The following SETDB2 variants were observed in gnomAD, a reference collection of about 807,000 sequenced individuals.
SETDB2 encodes the protein SET domain bifurcated histone lysine methyltransferase 2.
SETDB2 carries 56 observed loss-of-function variants against 82.5 expected under a neutral mutation model. The observed-to-expected ratio is 0.68, with a 90% confidence interval of 0.55 to 0.85. SETDB2 has a LOEUF of 0.85. SETDB2 is among the 40% of genes least tolerant of loss of function. The pLI, the probability that SETDB2 is intolerant of heterozygous loss-of-function variation, is 0.00. For synonymous variants in SETDB2, 272 were observed against 284.9 expected, an observed-to-expected ratio of 0.95 and a Z score of 0.46; for missense variants, 677 against 816.4, an observed-to-expected ratio of 0.83 and a Z score of 2.08.
intron 1 of SETDB2, among the ~76,000 whole-genome samples, chr13:49,447,890 A>C (rs1957721587): frequency 6.6e-6 from 1 of 152,092 alleles, no homozygotes; most frequent in Non-Finnish European, 1.5e-5. Context: ...CCTGCTTCAG[A>C]ACAGTTTGTA....
chr13:49,487,836 G>A (rs1382152714), intron 11 of SETDB2, among the ~76,000 whole-genome samples: 2 of 152,188 alleles, frequency 1.3e-5, no homozygotes, highest in Admixed American at 1.3e-4. Flanking sequence ...ACTTGTGGAA[G>A]GTGTCTCTGT....
In SETDB2 at chr13:49,476,621, A is replaced by C; in HGVS notation, c.451A>C (p.Asn151His). The C allele has an allele frequency of 6.2e-7, 1 of 1,614,122 alleles. No homozygotes were observed. The highest frequency in any genetic ancestry group is 1.6e-4 in the Middle Eastern group (1 of 6,062). Residue 151 changes from asparagine (N) to histidine (H), a missense_variant, in exon 6 of 14, where the codon AAC becomes CAC. Asn to His is a moderately conservative substitution (Grantham distance 68). Coordinates refer to ENST00000611815, the MANE Select transcript of SETDB2 (RefSeq NM_001160308.3). Reference sequence around the variant, plus strand: ...AATGCCACTGAACTTGAAGGGAGAAAACCCTCTGCAGCTGCCAATCAAATG... The same window carrying C: ...AATGCCACTGAACTTGAAGGGAGAACACCCTCTGCAGCTGCCAATCAAATG... The part of the protein sequence containing the change: ...MKMPLNLKGE[N>H]PLQLPIKCHF...
chr13:49,470,483 T>C (rs1008247872), intron 5 of SETDB2, among the ~76,000 whole-genome samples: 1 of 152,196 alleles, frequency 6.6e-6, no homozygotes, highest in African/African-American at 2.4e-5. Context: ...AGCAGCCCAG[T>C]GGTCACATAG....
intron 10 of SETDB2, 36 bp from the exon 11 acceptor site, chr13:49,485,594 C>T (rs1270374622): frequency 5.2e-6 from 8 of 1,549,148 alleles, no homozygotes; most frequent in African/African-American, 2.7e-5. Flanking sequence ...TTTTGCCTGA[C>T]CTGGAAAGTA....
At chr13:49,482,236 A>T (rs1357712805) in intron 8 of SETDB2, 1 of 985,332 alleles carries the variant, frequency 1.0e-6, no homozygotes, top group Non-Finnish European at 1.2e-6. Flanking sequence ...TGGCAACTAT[A>T]ATATTGAATC....
intron 2 of SETDB2, among the ~76,000 whole-genome samples, chr13:49,458,497 G>A (rs770588470): frequency 3.3e-5 from 5 of 152,016 alleles, no homozygotes; most frequent in Non-Finnish European, 5.9e-5. Flanking sequence ...TTCTTTCCTT[G>A]GCTTCTGAGA....
intron 1 of SETDB2, 115 bp downstream of exon 1, chr13:49,444,972 T>G (rs1313702731): frequency 6.6e-6 from 1 of 152,094 alleles, no homozygotes; most frequent in African/African-American, 2.4e-5. Context: ...CAATAAGTAA[T>G]TAAGTAAGGA....
intron 5 of SETDB2, among the ~76,000 whole-genome samples, chr13:49,476,058 C>T (rs1169428966): frequency 6.6e-6 from 1 of 152,086 alleles, no homozygotes; most frequent in Non-Finnish European, 1.5e-5. Context: ...TCTAAATGAA[C>T]TCTAAATTTG....
chr13:49,460,071 A>T (rs768557347), intron 2 of SETDB2, 36 bp from the exon 3 acceptor site: 14 of 1,583,918 alleles, frequency 8.8e-6, no homozygotes, highest in Non-Finnish European at 1.2e-5. Flanking sequence ...GTATTTTTCT[A>T]TTAGCTCTTA....
At chr13:49,478,430 T>G (rs1267812470) in intron 6 of SETDB2, among the ~76,000 whole-genome samples, 1 of 152,050 alleles carries the variant, frequency 6.6e-6, no homozygotes, top group South Asian at 2.1e-4. Context: ...AGCCAAAGCG[T>G]TGGAGAAAGC....
intron 5 of SETDB2, among the ~76,000 whole-genome samples, chr13:49,470,802 G>A (rs754830804): frequency 6.6e-6 from 1 of 152,096 alleles, no homozygotes; most frequent in Non-Finnish European, 1.5e-5. Flanking sequence ...CCATGATCGC[G>A]CCTCCGCACT....
intron 1 of SETDB2, among the ~76,000 whole-genome samples, chr13:49,447,902 A>G (rs1191539262): frequency 1.3e-5 from 2 of 151,640 alleles, no homozygotes; most frequent in Non-Finnish European, 1.5e-5. Context: ...CAGTTTGTAT[A>G]TGATAAAAAT....
At chr13:49,453,545 G>A (rs766813986) in intron 2 of SETDB2, among the ~76,000 whole-genome samples, 2 of 152,000 alleles carry the variant, frequency 1.3e-5, no homozygotes, top group East Asian at 1.9e-4. Context: ...TGATCCACCC[G>A]CCTTAGCCTC....
rs1389840425 is a variant in SETDB2 at position 49,476,767 on chromosome 13, G to C, written c.597G>C (p.Glu199Asp). Reference protein sequence around the residue: ...NVEEVFRYLLETECNFLFTDN... With the variant: ...NVEEVFRYLLDTECNFLFTDN... ...AGGAAGTTTTTCGTTACCTGCTTGA[G>C]ACAGAGTGTAACTTTTTATTTACAG... Residue 199 changes from glutamate to aspartate, a missense_variant, in exon 6 of 14, where the codon GAG becomes GAC. Physicochemically the swap from Glu to Asp is conservative, Grantham distance 45 (BLOSUM62 2). Transcript: ENST00000611815. The C allele has an allele frequency of 6.2e-7, 1 of 1,614,086 alleles. No individual in the cohort carries two copies. The highest frequency in any genetic ancestry group is 8.5e-7 in the Non-Finnish European group (1 of 1,179,960).
At position 49,485,709 on chromosome 13, in the gene SETDB2, C is replaced by G; in HGVS notation, c.1562C>G (p.Thr521Ser). 1 of 1,613,834 alleles carries G rather than the reference C, an allele frequency of 6.2e-7. No individual in the cohort carries two copies. ...CCCCGAGAGCATCTGAACTCTAAAA[C>G]CAAGGGAGCACAAAGTAGGCTTTGT... ...KPPREHLNSK[T>S]KGAQKDSSSN... The change falls in exon 11 of 14, where the codon ACC becomes AGC. Residue 521 changes from threonine to serine, a missense_variant. By Grantham distance (58) the Thr-to-Ser change is moderately conservative (BLOSUM62 1). Around this residue, in one of 3 missense-constraint regions of SETDB2, gnomAD observed 420 missense variants for 554.6 expected, o/e 0.76. Transcript: ENST00000611815.
chr13:49,476,567 C>CA lies in SETDB2; in HGVS notation c.398dup (p.His133GlnfsTer2). 1 of 1,614,074 alleles carries CA rather than the reference C, an allele frequency of 6.2e-7. No individual in the cohort carries two copies. The highest frequency in any genetic ancestry group is 8.5e-7 in the Non-Finnish European group (1 of 1,179,962). On this transcript the variant is annotated frameshift_variant, in exon 6 of 14. Transcript: ENST00000611815. LOFTEE classifies it high-confidence loss of function. Reference sequence around the variant, plus strand: ...ATCTTCGAATTTATCTTACCAAAGTCATGACTGCTCTGGTGCTTGTCTGAT... The same window carrying CA: ...ATCTTCGAATTTATCTTACCAAAGTCAATGACTGCTCTGGTGCTTGTCTGAT...
intron 4 of SETDB2, among the ~76,000 whole-genome samples, chr13:49,463,592 G>A (rs543906314): frequency 3.3e-5 from 5 of 152,302 alleles, no homozygotes; most frequent in South Asian, 2.1e-4. Flanking sequence ...AGCATTACAC[G>A]TTTGCTATGC....
intron 1 of SETDB2, among the ~76,000 whole-genome samples, chr13:49,447,702 T>C (rs1957716855): frequency 2.0e-5 from 3 of 152,160 alleles, no homozygotes; most frequent in Admixed American, 2.0e-4. Flanking sequence ...ATGTTAAACT[T>C]TTTAGGTATT....
rs79869794 is a variant in SETDB2 at position 49,450,088 on chromosome 13, C to T, written c.-341-1465C>T. Among the ~76,000 whole-genome samples the T allele has an allele frequency of 1.6e-4, 25 of 152,200 alleles. No homozygotes were observed. The East Asian group carries it at 4.7e-3, about 28-fold the overall frequency. On this transcript the variant is annotated intron_variant, in intron 1 of 13. Transcript: ENST00000611815. ...CTAATACACCTTCCTTTTAGATAATCTACATTTTTCTGGAAACATCTAAGA... is the reference window on the plus strand; with the variant it reads ...CTAATACACCTTCCTTTTAGATAATTTACATTTTTCTGGAAACATCTAAGA...
Sources: gnomAD v4.1 joint callset for allele counts (sites outside exome capture counted in the v4.1 genomes callset) on GRCh38, gnomAD v4.1.1 for gene constraint, gnomAD v4.1.1 regional missense constraint, MANE v1.5 for transcripts, NCBI Gene and HGNC (gene_info 2026-07-23, HGNC 2026-07-21) for gene names.